The following SNX3 variants were observed in gnomAD, a reference collection of about 807,000 sequenced individuals.
SNX3 encodes sorting nexin 3.
Under a neutral mutation model 17.7 loss-of-function variants are expected in SNX3, and 5 were observed. The observed-to-expected ratio is 0.28, with a 90% confidence interval of 0.15 to 0.59. The LOEUF is 0.59. SNX3 is among the 20% of genes least tolerant of loss of function. SNX3 has a pLI of 0.88. For synonymous variants in SNX3, 91 were observed against 76.5 expected, an observed-to-expected ratio of 1.19 and a Z score of -0.99; for missense variants, 132 against 206.8, an observed-to-expected ratio of 0.64 and a Z score of 2.22.
intron 1 of SNX3, among the ~76,000 whole-genome samples, chr6:108,246,299 G>T (rs1258667477): frequency 2.2e-5 from 3 of 133,742 alleles, no homozygotes; most frequent in East Asian, 2.5e-4. Context: ...ATTCTTAAAA[G>T]AGCTTTGAGC....
At chr6:108,258,793 G>A (rs1265357564) in intron 1 of SNX3, among the ~76,000 whole-genome samples, 1 of 152,054 alleles carries the variant, frequency 6.6e-6, no homozygotes, top group Non-Finnish European at 1.5e-5. Context: ...AGAGGCATGA[G>A]CCACTGCGCC....
intron 1 of SNX3, among the ~76,000 whole-genome samples, chr6:108,225,260 C>T (rs1036172341): frequency 3.3e-5 from 5 of 151,528 alleles, no homozygotes; most frequent in Non-Finnish European, 5.9e-5. Context: ...CCAGCCTGGG[C>T]GACTGAGCGA....
intron 1 of SNX3, among the ~76,000 whole-genome samples, chr6:108,246,907 G>C (rs888994750): frequency 2.0e-5 from 3 of 152,128 alleles, no homozygotes; most frequent in Non-Finnish European, 2.9e-5. Flanking sequence ...GATCATCAGA[G>C]TTTAGCATGG....
chr6:108,227,672 G>C (rs377522829), intron 1 of SNX3, among the ~76,000 whole-genome samples: 1 of 152,186 alleles, frequency 6.6e-6, no homozygotes, highest in Non-Finnish European at 1.5e-5. Context: ...CTGCTTTAGA[G>C]TTTAAAGTCA....
At chr6:108,260,646 G>A (rs1276830844) in intron 1 of SNX3, 114 bp downstream of exon 1, 2 of 1,231,728 alleles carry the variant, frequency 1.6e-6, no homozygotes, top group Non-Finnish European at 1.2e-6. Context: ...CCTCTGCAAG[G>A]GGGCTCCCGG....
chr6:108,256,467 T>C (rs1337728837), intron 1 of SNX3, among the ~76,000 whole-genome samples: 3 of 152,248 alleles, frequency 2.0e-5, no homozygotes, highest in Non-Finnish European at 4.4e-5. Context: ...GCGTGCTTAT[T>C]ATGTGCCAGG....
rs1159166617 is a variant in SNX3, at chr6:108,214,468, C to G, written c.383+30G>C. On this transcript the variant is annotated intron_variant, in intron 3 of 3. Transcript: ENST00000230085. ...ACTACAAGTAGTCACTTAAAGTAGT[C>G]CTACACTTTGAGGAATAGGAAGCAC... is the stretch of plus-strand genomic sequence containing the variant. 1.9e-6 allele frequency: 3 copies of G among 1,608,544 alleles called. No homozygotes were observed. The South Asian group carries it at 3.3e-5, about 18-fold the overall frequency.
At chr6:108,243,018 C>G (rs1360001118) in intron 1 of SNX3, among the ~76,000 whole-genome samples, 1 of 152,234 alleles carries the variant, frequency 6.6e-6, no homozygotes. Context: ...CATATTCAGA[C>G]TTCTCACTTA....
At chr6:108,233,339 A>G (rs1039052358) in intron 1 of SNX3, among the ~76,000 whole-genome samples, 14 of 152,322 alleles carry the variant, frequency 9.2e-5, no homozygotes, top group African/African-American at 3.4e-4. Context: ...AAAACTGTCT[A>G]TTAATAGTCT....
chr6:108,259,151 G>C (rs971519713), intron 1 of SNX3, among the ~76,000 whole-genome samples: 3 of 152,194 alleles, frequency 2.0e-5, no homozygotes, highest in African/African-American at 7.2e-5. Context: ...TTTCCACTAG[G>C]TTTATGTATG....
intron 1 of SNX3, among the ~76,000 whole-genome samples, chr6:108,236,312 GTCTC>G (rs1230772872): frequency 6.7e-6 from 1 of 149,420 alleles, no homozygotes; most frequent in Non-Finnish European, 1.5e-5. Context: ...GCAAGACCCT[GTCTC>G]TCTCTCTACC....
At chr6:108,214,696 C>T in intron 2 of SNX3, 74 bp from the exon 3 acceptor site, 2 of 1,469,104 alleles carry the variant, frequency 1.4e-6, no homozygotes, top group Non-Finnish European at 1.9e-6. Flanking sequence ...AACATGAAGA[C>T]AAAGCATGTC....
intron 1 of SNX3, among the ~76,000 whole-genome samples, chr6:108,237,699 G>A (rs1775392150): frequency 2.6e-5 from 4 of 152,104 alleles, no homozygotes; most frequent in South Asian, 2.1e-4. Flanking sequence ...TGAGGCAGGA[G>A]AATCACGTGA....
intron 1 of SNX3, among the ~76,000 whole-genome samples, chr6:108,251,113 G>C (rs1775843932): frequency 6.6e-6 from 1 of 151,814 alleles, no homozygotes; most frequent in African/African-American, 2.4e-5. Flanking sequence ...AGAATCTCTA[G>C]CCCAATCTCA....
intron 1 of SNX3, among the ~76,000 whole-genome samples, chr6:108,227,734 A>T (rs2114723925): frequency 6.6e-6 from 1 of 152,294 alleles, no homozygotes; most frequent in South Asian, 2.1e-4. Context: ...TGGTTAACTT[A>T]GCCTGTTAAA....
At chr6:108,223,497 CTTTTTTTTT>C (rs59920022) in intron 1 of SNX3, among the ~76,000 whole-genome samples, 81 of 110,368 alleles carry the variant, frequency 7.3e-4, no homozygotes, top group African/African-American at 3.2e-3. Flanking sequence ...TTTGCTAGTT[CTTTTTTTTT>C]TTTTTTTTTT....
intron 1 of SNX3, among the ~76,000 whole-genome samples, chr6:108,243,418 T>C (rs1460155230): frequency 6.6e-6 from 1 of 152,218 alleles, no homozygotes; most frequent in East Asian, 1.9e-4. Flanking sequence ...CAAGCCTTCA[T>C]GGTTAGCAGA....
Position 108,238,352 on chromosome 6 carries a change from C to G in SNX3, c.163-15307G>C, listed in dbSNP as rs373011205. 1.1e-4 allele frequency among the ~76,000 whole-genome samples: 16 copies of G among 152,190 alleles called. No individual in the cohort carries two copies. The East Asian group carries it at 1.7e-3, about 17-fold the overall frequency. ...AGGTTTCTGTAAGAGAGTACATAAT[C>G]TTTGGAGTACATTGTGATAAAAACA... On this transcript the variant is annotated intron_variant, in intron 1 of 3. Transcript: ENST00000230085.
chr6:108,213,653 A>C (rs1774475977), intron 3 of SNX3, among the ~76,000 whole-genome samples: 2 of 151,820 alleles, frequency 1.3e-5, no homozygotes, highest in Admixed American at 1.3e-4. Flanking sequence ...CTGTCTCAAA[A>C]AAAAAAAAAA....
Sources: gnomAD v4.1 joint callset for allele counts (sites outside exome capture counted in the v4.1 genomes callset) on GRCh38, gnomAD v4.1.1 for gene constraint, MANE v1.5 for transcripts, NCBI Gene and HGNC (gene_info 2026-07-23, HGNC 2026-07-21) for gene names.